Variants in ZNF676 observed in about 807,000 individuals in gnomAD.
ZNF676 encodes zinc finger protein 676.
In ZNF676, 4 loss-of-function variants were observed where a neutral mutation model predicts 6.0. The ratio of observed to expected loss-of-function variants is 0.67; its 90% CI spans 0.33 to 1.53. The LOEUF (loss-of-function observed/expected upper bound fraction) is 1.53, where lower values mean the gene tolerates loss of function less well. ZNF676 is among the 40% of genes most tolerant of loss of function. The pLI is 0.06. For missense variants in ZNF676, 644 were observed against 679.7 expected (o/e 0.95, Z 0.58); for synonymous variants, 198 against 223.1 (o/e 0.89, Z 1.00).
chr19:22,248,584 G>A, the ZNF676 span, among the ~76,000 whole-genome samples: 10 of 152,276 alleles, frequency 6.6e-5, no homozygotes, highest in East Asian at 3.9e-4. Flanking sequence ...TCTCAGTGCC[G>A]CTGCAATGGG....
At chr19:22,214,683 T>C (rs1469210365) in intron 1 of ZNF676, among the ~76,000 whole-genome samples, 1 of 151,542 alleles carries the variant, frequency 6.6e-6, no homozygotes, top group Non-Finnish European at 1.5e-5. Flanking sequence ...CTTAACACAC[T>C]ATAAACTGCC....
At chr19:22,222,614 T>C in the ZNF676 span, among the ~76,000 whole-genome samples, 1 of 152,106 alleles carries the variant, frequency 6.6e-6, no homozygotes, top group African/African-American at 2.4e-5. Flanking sequence ...GTAAATTTCG[T>C]GGAGCAAAAG....
intron 1 of ZNF676, among the ~76,000 whole-genome samples, chr19:22,202,651 C>T (rs536110276): frequency 6.6e-6 from 1 of 152,178 alleles, no homozygotes; most frequent in African/African-American, 2.4e-5. Flanking sequence ...ACATGCATTA[C>T]AGTCAATTTG....
chr19:22,249,766 T>G, the ZNF676 span, among the ~76,000 whole-genome samples: 2 of 152,196 alleles, frequency 1.3e-5, no homozygotes, highest in East Asian at 3.9e-4. Flanking sequence ...CAACGGGTTT[T>G]TTTTTTTTTA....
the ZNF676 span, among the ~76,000 whole-genome samples, chr19:22,237,619 T>C: frequency 6.6e-6 from 1 of 152,160 alleles, no homozygotes; most frequent in Non-Finnish European, 1.5e-5. Context: ...GGCAACTTTC[T>C]CAGGGGAGGC....
At chr19:22,235,121 CAGGAAGGAAGGAAGGA>C in the ZNF676 span, among the ~76,000 whole-genome samples, 4 of 131,794 alleles carry the variant, frequency 3.0e-5, no homozygotes, top group African/African-American at 8.8e-5. Context: ...GGCAGGAAGG[CAGGAAGGAAGGAAGGA>C]AGGAAGGAAG....
chr19:22,217,472 G>A (rs1396704672), upstream of ZNF676, among the ~76,000 whole-genome samples: 2 of 152,168 alleles, frequency 1.3e-5, no homozygotes, highest in Admixed American at 1.3e-4. Context: ...AAAGTGCTGG[G>A]ATTACAGGCG....
At chr19:22,228,398 A>AT in the ZNF676 span, among the ~76,000 whole-genome samples, 1 of 152,338 alleles carries the variant, frequency 6.6e-6, no homozygotes, top group Non-Finnish European at 1.5e-5. Context: ...AGTTAATGTC[A>AT]TACTGAATGG....
At chr19:22,233,010 C>T in the ZNF676 span, among the ~76,000 whole-genome samples, 1 of 151,976 alleles carries the variant, frequency 6.6e-6, no homozygotes, top group African/African-American at 2.4e-5. Flanking sequence ...ATGTTAAAGG[C>T]ATTACAGTTC....
chr19:22,234,017 C>G, the ZNF676 span, among the ~76,000 whole-genome samples: 169 of 152,338 alleles, frequency 1.1e-3, no homozygotes, highest in Non-Finnish European at 1.6e-3. Context: ...CCCTGGCAAT[C>G]CAGTCAAACC....
chr19:22,200,120 TTC>T, upstream of ZNF676, among the ~76,000 whole-genome samples: 1 of 152,142 alleles, frequency 6.6e-6, no homozygotes, highest in Admixed American at 6.5e-5. Flanking sequence ...GTATTGTAAG[TTC>T]TTTTTTTTTA....
At chr19:22,221,848 TG>T in the ZNF676 span, among the ~76,000 whole-genome samples, 1 of 152,164 alleles carries the variant, frequency 6.6e-6, no homozygotes, top group Admixed American at 6.5e-5. Flanking sequence ...CTGCAGTTGT[TG>T]GGTAGAATAT....
chr19:22,215,618 C>G (rs2024176480), intron 1 of ZNF676: 19 of 1,610,686 alleles, frequency 1.2e-5, no homozygotes, highest in Admixed American at 6.7e-5. Flanking sequence ...GTGTGTCGGA[C>G]CCGGCACACT....
chr19:22,231,926 G>A, the ZNF676 span, among the ~76,000 whole-genome samples: 1 of 151,902 alleles, frequency 6.6e-6, no homozygotes, highest in East Asian at 1.9e-4. Flanking sequence ...GTCAAAAACC[G>A]TCATATTTTA....
At chr19:22,223,697 G>C in the ZNF676 span, among the ~76,000 whole-genome samples, 2 of 151,742 alleles carry the variant, frequency 1.3e-5, no homozygotes, top group African/African-American at 4.8e-5. Flanking sequence ...AAAATATTTA[G>C]TTATAAATTT....
At chr19:22,198,814 C>T (rs887545218), upstream of ZNF676, among the ~76,000 whole-genome samples, 20 of 152,224 alleles carry the variant, frequency 1.3e-4, no homozygotes, top group Admixed American at 1.1e-3. Context: ...CCAGCAATTT[C>T]TGCCACAGTA....
chr19:22,235,265 A>T, the ZNF676 span, among the ~76,000 whole-genome samples: 1 of 152,094 alleles, frequency 6.6e-6, no homozygotes, highest in African/African-American at 2.4e-5. Flanking sequence ...GATCCATTGG[A>T]TCTCCTGGGT....
chr19:22,183,074 G>A (rs888396912), intron 2 of ZNF676, among the ~76,000 whole-genome samples: 17 of 151,878 alleles, frequency 1.1e-4, no homozygotes, highest in Admixed American at 6.6e-5. Flanking sequence ...AAAATATATT[G>A]TTTTATTTTT....
chr19:22,210,740 C>T (rs2144820364), intron 1 of ZNF676, among the ~76,000 whole-genome samples: 1 of 152,284 alleles, frequency 6.6e-6, no homozygotes, highest in South Asian at 2.1e-4. Context: ...AAAAAATCAG[C>T]TGTATTTGTC....
Sources: allele counts gnomAD v4.1 joint callset (sites outside exome capture counted in the v4.1 genomes callset), GRCh38; gene constraint gnomAD v4.1.1; transcripts MANE v1.5; gene names NCBI Gene and HGNC (gene_info 2026-07-23, HGNC 2026-07-21).